The following CTDP1 variants were observed in gnomAD, a reference collection of about 807,000 sequenced individuals.
The protein encoded by CTDP1 is CTD phosphatase 1.
A neutral mutation model predicts 91.8 loss-of-function variants in CTDP1; 47 were observed. The observed-to-expected ratio is 0.51, with a 90% CI of 0.41 to 0.65. The LOEUF (loss-of-function observed/expected upper bound fraction) is 0.65, where lower values mean the gene tolerates loss of function less well. Ranked by LOEUF, CTDP1 falls within the 30% of genes least tolerant of loss-of-function variation. CTDP1 has a pLI of 0.00. For missense variants in CTDP1, 1,272 were observed against 1,373.7 expected, an observed-to-expected ratio of 0.93 and a Z score of 1.17; for synonymous variants, 656 against 598.5, an observed-to-expected ratio of 1.10 and a Z score of -1.40.
At chr18:79,720,734 G>C (rs1015563448) in intron 10 of CTDP1, among the ~76,000 whole-genome samples, 9 of 152,078 alleles carry the variant, frequency 5.9e-5, no homozygotes, top group African/African-American at 1.9e-4. Context: ...CTAGCTCTTC[G>C]AGGCCAGCAG....
chr18:79,736,610 C>T (rs1318229095), intron 12 of CTDP1, 89 bp downstream of exon 12: 1 of 1,280,296 alleles, frequency 7.8e-7, no homozygotes, highest in Admixed American at 2.6e-5. Flanking sequence ...GCATCTCATT[C>T]TTCACGCCCT....
chr18:79,716,802 C>T (rs2086218572), intron 8 of CTDP1, among the ~76,000 whole-genome samples: 1 of 152,260 alleles, frequency 6.6e-6, no homozygotes, highest in African/African-American at 2.4e-5. Context: ...GTGTACGTGG[C>T]CTCACTGTTG....
intron 2 of CTDP1, among the ~76,000 whole-genome samples, chr18:79,695,719 T>C (rs535050111): frequency 1.1e-4 from 17 of 152,350 alleles, no homozygotes; most frequent in African/African-American, 4.1e-4. Flanking sequence ...CTGTTTCTGC[T>C]TCTGTGTGAC....
Position 79,692,812 on chromosome 18 carries a change from G to T in CTDP1, c.315-2413G>T, listed in dbSNP as rs186745093. On this transcript the variant is annotated intron_variant, in intron 1 of 12. Coordinates refer to ENST00000613122, the MANE Select transcript of CTDP1 (RefSeq NM_004715.5). ...TGCCATGAGCTGGTGTCCTGTGTGG[G>T]GCAGGAGCTGTGCAGAGTTTCCTTG... Among the ~76,000 whole-genome samples the T allele has an allele frequency of 4.6e-5, 7 of 152,352 alleles. 1 individual carries two copies. The highest frequency in any genetic ancestry group is 1.7e-4 in the African/African-American group (7 of 41,576).
At chr18:79,722,160 GA>G (rs1230827866) in intron 10 of CTDP1, among the ~76,000 whole-genome samples, 1 of 152,102 alleles carries the variant, frequency 6.6e-6, no homozygotes, top group African/African-American at 2.4e-5. Context: ...AGATCAATGA[GA>G]AAAAAATAAT....
intron 11 of CTDP1, among the ~76,000 whole-genome samples, chr18:79,732,410 T>C (rs2086584712): frequency 1.3e-5 from 1 of 77,428 alleles, no homozygotes; most frequent in Non-Finnish European, 2.8e-5. Context: ...ACATGAGAAC[T>C]CAGGAGTGCT....
At chr18:79,693,033 C>T (rs114130750) in intron 1 of CTDP1, among the ~76,000 whole-genome samples, 2,205 of 152,200 alleles carry the variant, frequency 0.014, 66 homozygotes, top group African/African-American at 0.051. Context: ...ACAGCTCAGC[C>T]GGGGAGTTGG....
intron 12 of CTDP1, among the ~76,000 whole-genome samples, chr18:79,743,233 C>T (rs1393380771): frequency 5.9e-5 from 9 of 151,890 alleles, no homozygotes; most frequent in Admixed American, 5.9e-4. Flanking sequence ...TGGTATCGTA[C>T]AGTGAAGCAA....
intron 11 of CTDP1, chr18:79,735,992 G>A (rs2086659725): frequency 3.8e-6 from 1 of 264,170 alleles, no homozygotes; most frequent in Admixed American, 4.7e-5. Flanking sequence ...TGCCACTCAG[G>A]AGTCTTGCTG....
At chr18:79,702,938 A>T (rs2085890855) in intron 4 of CTDP1, 1 of 152,400 alleles carries the variant, frequency 6.6e-6, no homozygotes, top group African/African-American at 2.4e-5. Flanking sequence ...CTAAGCATGA[A>T]CGGTCTGTCC....
At chr18:79,731,873 G>A (rs1217409099) in intron 11 of CTDP1, among the ~76,000 whole-genome samples, 3 of 152,002 alleles carry the variant, frequency 2.0e-5, no homozygotes, top group Admixed American at 1.3e-4. Context: ...CACATGAGAT[G>A]TAAGAACTCA....
At position 79,697,793 on chromosome 18, in the gene CTDP1, G is replaced by A. The variant is rs1599217869; in HGVS notation, c.493-67G>A. On this transcript the variant is annotated intron_variant, in intron 3 of 12. Coordinates refer to ENST00000613122, the MANE Select transcript of CTDP1 (RefSeq NM_004715.5). ...TTGATATAGTTTTGTGTTTCTCGAT[G>A]AAATGGAGTTTTACCTTGGATGCAA... 10 of 1,604,718 alleles carry A rather than the reference G, an allele frequency of 6.2e-6. No individual in the cohort carries two copies. The Admixed American group carries it at 8.3e-5, about 13-fold the overall frequency.
intron 1 of CTDP1, among the ~76,000 whole-genome samples, chr18:79,684,207 G>C (rs1195638622): frequency 6.6e-6 from 1 of 152,206 alleles, no homozygotes; most frequent in African/African-American, 2.4e-5. Context: ...AGGTGTGGAT[G>C]TTGCTTGTAC....
At chr18:79,733,962 T>TA (rs1385564368) in intron 11 of CTDP1, among the ~76,000 whole-genome samples, 1 of 152,002 alleles carries the variant, frequency 6.6e-6, no homozygotes, top group African/African-American at 2.4e-5. Flanking sequence ...TCCTTAAGAT[T>TA]AAAAAAAATT....
In CTDP1 at chr18:79,713,193, G is replaced by C. The variant is rs2086118945; in HGVS notation, c.1030+55G>C. 2.1e-5 allele frequency: 32 copies of C among 1,543,780 alleles called. No individual in the cohort carries two copies. Among genetic ancestry groups the C allele is most frequent in the Non-Finnish European group, 2.7e-5 (30 of 1,125,800 alleles). ...AGAATTCACATTTGCTTATTGTTTA[G>C]CTCTTCTTATTTCTTATCTCTGTTT... On this transcript the variant is annotated intron_variant, in intron 7 of 12. Coordinates refer to ENST00000613122, the MANE Select transcript of CTDP1 (RefSeq NM_004715.5). The surrounding 1 kb of genome is among the most constrained non-coding windows in gnomAD (Gnocchi z 4.7).
chr18:79,722,769 G>T (rs2086370266), intron 10 of CTDP1, among the ~76,000 whole-genome samples: 1 of 152,168 alleles, frequency 6.6e-6, no homozygotes, highest in African/African-American at 2.4e-5. Flanking sequence ...CTGTTTGAAT[G>T]TCTCCCTCCC....
chr18:79,744,948 T>A (rs980222027), intron 12 of CTDP1, among the ~76,000 whole-genome samples: 2 of 152,160 alleles, frequency 1.3e-5, no homozygotes, highest in South Asian at 2.1e-4. Context: ...GCTGGTGTGA[T>A]GACAGTGTGC....
intron 6 of CTDP1, among the ~76,000 whole-genome samples, chr18:79,711,320 T>C (rs922560041): frequency 2.0e-5 from 3 of 152,014 alleles, no homozygotes; most frequent in Non-Finnish European, 4.4e-5. Flanking sequence ...CATCGAGATT[T>C]GTGGTTGGAG....
chr18:79,747,668 A>C (rs1467647228), intron 12 of CTDP1, among the ~76,000 whole-genome samples: 1 of 152,210 alleles, frequency 6.6e-6, no homozygotes, highest in African/African-American at 2.4e-5. Flanking sequence ...GCACTGGGGA[A>C]ATTATCCGCC....
Sources: allele counts gnomAD v4.1 joint callset (sites outside exome capture counted in the v4.1 genomes callset), GRCh38; gene constraint gnomAD v4.1.1; non-coding constraint Gnocchi (gnomAD v3.1); transcripts MANE v1.5; gene names NCBI Gene and HGNC (gene_info 2026-07-23, HGNC 2026-07-21).